DDX39A: variants seen among roughly 807,000 people sequenced by gnomAD.
The protein encoded by DDX39A is ATP-dependent RNA helicase DDX39A.
Under a neutral mutation model 46.3 loss-of-function variants are expected in DDX39A, and 13 were observed. The ratio of observed to expected loss-of-function variants is 0.28; its 90% confidence interval spans 0.18 to 0.45. DDX39A has a LOEUF of 0.45. DDX39A is among the 20% of genes least tolerant of loss of function. The pLI is 1.00. For missense variants in DDX39A, 352 were observed against 581.8 expected (o/e 0.61, Z 4.06); for synonymous variants, 234 against 224.6 (o/e 1.04, Z -0.38).
rs76598572 is a variant in DDX39A at position 14,412,684 on chromosome 19, G to A, written c.209-6C>T. 3.4e-5 allele frequency: 55 copies of A among 1,600,808 alleles called. No homozygotes were observed. The East Asian group carries it at 1.1e-3, about 32-fold the overall frequency. On this transcript the variant is annotated splice_region_variant and splice_polypyrimidine_tract_variant and intron_variant, in intron 2 of 10. Transcript: ENST00000242776. The surrounding 1 kb of genome is among the most constrained non-coding windows in gnomAD (Gnocchi z 4.4). ...GGGAATGCACTCATGCTGGACTGCA[G>A]GAGAAGCAGAGCGTGAGGGACGAGA...
chr19:14,417,086 G>A (rs1038441715), intron 1 of DDX39A, among the ~76,000 whole-genome samples: 5 of 152,122 alleles, frequency 3.3e-5, no homozygotes, highest in Non-Finnish European at 7.4e-5. Flanking sequence ...TTACTCCTCC[G>A]ATGAAGGGGT....
Position 14,410,295 on chromosome 19 carries a change from G to A in DDX39A, c.653C>T (p.Pro218Leu), listed in dbSNP as rs1348378351. 6.2e-7 allele frequency: 1 copy of A among 1,614,040 alleles called. No individual in the cohort carries two copies. Among genetic ancestry groups the A allele is most frequent in the African/African-American group, 1.3e-5 (1 of 74,924 alleles). The stretch of plus-strand genomic sequence containing the variant: ...GAACATCATGCACTGCTTCTCGTGT[G>A]GTGTCAGGCGGAAGATCTCCTGCAC... ...RDVQEIFRLT[P>L]HEKQCMMFSA... Residue 218 changes from proline (P) to leucine (L), a missense_variant, in exon 6 of 11, where the codon CCA (proline) becomes CTA (leucine). Physicochemically the swap from Pro to Leu is moderately conservative, Grantham distance 98. Coordinates refer to ENST00000242776, the MANE Select transcript of DDX39A (RefSeq NM_005804.4). The surrounding 1 kb of genome is among the most constrained non-coding windows in gnomAD (Gnocchi z 4.3).
rs1599643734 is a variant in DDX39A, at chr19:14,410,880, G to A, written c.613+109C>T. The A allele has an allele frequency of 2.9e-6, 3 of 1,025,082 alleles. No homozygotes were observed. Among genetic ancestry groups the A allele is most frequent in the Non-Finnish European group, 1.4e-6 (1 of 731,220 alleles). The allele number at this position is 1,025,082 out of a possible 1,614,324, so 63.5% of individuals were successfully genotyped here. ...AGAGCTTTCCCCAAGATCACCACAG[G>A]AGCCCCGCCTGCCGGCCGCCCATGT... On this transcript the variant is annotated intron_variant, in intron 5 of 10. Coordinates refer to ENST00000242776, the MANE Select transcript of DDX39A (RefSeq NM_005804.4). This position sits in a 1 kb window ranked among gnomAD's most constrained non-coding sequence, Gnocchi z 4.3.
intron 1 of DDX39A, among the ~76,000 whole-genome samples, chr19:14,414,541 G>C (rs1336271483): frequency 2.7e-5 from 4 of 149,776 alleles, no homozygotes; most frequent in African/African-American, 4.9e-5. Context: ...CGTAGAGACA[G>C]GGTTTCACCA....
Position 14,410,527 on chromosome 19 carries a change from G to T in DDX39A, c.614-193C>A. Reference sequence around the variant, plus strand: ...GGGTGGCCAGCGAGCGCAGGCGCGGGAGGAGCTGCAATCCACTTACACGCT... The same window carrying T: ...GGGTGGCCAGCGAGCGCAGGCGCGGTAGGAGCTGCAATCCACTTACACGCT... On this transcript the variant is annotated intron_variant, in intron 5 of 10. Transcript: ENST00000242776. The surrounding 1 kb of genome is among the most constrained non-coding windows in gnomAD (Gnocchi z 4.3). 1 of 604,814 alleles carries T rather than the reference G, an allele frequency of 1.7e-6. No individual in the cohort carries two copies. The highest frequency in any genetic ancestry group is 3.0e-6 in the Non-Finnish European group (1 of 336,448). The allele number at this position is 604,814 out of a possible 1,614,324, so 37.5% of individuals were successfully genotyped here.
intron 1 of DDX39A, among the ~76,000 whole-genome samples, chr19:14,415,679 T>C (rs1976783861): frequency 6.6e-6 from 1 of 151,998 alleles, no homozygotes; most frequent in Non-Finnish European, 1.5e-5. Context: ...GACATGTAGG[T>C]GCCATCATCT....
rs554918751 is a variant in DDX39A at position 14,412,124 on chromosome 19, G to C, written c.336+427C>G. 3.7e-4 allele frequency among the ~76,000 whole-genome samples: 56 copies of C among 152,338 alleles called. No homozygotes were observed. The highest frequency in any genetic ancestry group is 1.3e-3 in the African/African-American group (54 of 41,572). On this transcript the variant is annotated intron_variant, in intron 3 of 10. Coordinates refer to ENST00000242776, the MANE Select transcript of DDX39A (RefSeq NM_005804.4). This position sits in a 1 kb window ranked among gnomAD's most constrained non-coding sequence, Gnocchi z 4.4. ...TTCACTGAAGTGTCTCCCCAGGACA[G>C]TGGCACACAAGACAATGGGAGAAGA...
In DDX39A at chr19:14,411,487, T is replaced by C. The variant is rs1239257289; in HGVS notation, c.429+19A>G. On this transcript the variant is annotated intron_variant, in intron 4 of 10. Coordinates refer to ENST00000242776, the MANE Select transcript of DDX39A (RefSeq NM_005804.4). The surrounding 1 kb of genome is among the most constrained non-coding windows in gnomAD (Gnocchi z 4.1). ...AGAAACCAAGTGGCGCCTGGTCCAG[T>C]CTGGCCCGAGGGACTCACCTTGACG... The C allele has an allele frequency of 6.2e-7, 1 of 1,609,990 alleles. No homozygotes were observed. Among genetic ancestry groups the C allele is most frequent in the Admixed American group, 1.7e-5 (1 of 60,010 alleles).
rs1599644429 is a variant in DDX39A at position 14,411,351 on chromosome 19, A to G, written c.429+155T>C. 2.0e-6 allele frequency: 2 copies of G among 991,920 alleles called. No homozygotes were observed. Among genetic ancestry groups the G allele is most frequent in the East Asian group, 5.0e-5 (2 of 39,830 alleles). The allele number at this position is 991,920 out of a possible 1,614,324, so 61.4% of individuals were successfully genotyped here. ...CTGCGCAGGCCCCTGGGAGCCATGC[A>G]TAATTCATCAGGCTTTTAAGGAGCA... is the stretch of plus-strand genomic sequence containing the variant. On this transcript the variant is annotated intron_variant, in intron 4 of 10. Coordinates refer to ENST00000242776, the MANE Select transcript of DDX39A (RefSeq NM_005804.4). This position sits in a 1 kb window ranked among gnomAD's most constrained non-coding sequence, Gnocchi z 4.1.
intron 1 of DDX39A, among the ~76,000 whole-genome samples, chr19:14,418,127 A>AG: frequency 6.7e-6 from 1 of 149,472 alleles, no homozygotes; most frequent in East Asian, 2.0e-4. Context: ...TCTCAAAAAA[A>AG]AAAAAAAAAA....
chr19:14,409,455 G>A lies in DDX39A; in HGVS notation c.975-8C>T. ...TGCTGATAGCGTGACAGGCTGGGGT[G>A]CAGGAGAAACAAGTGGAGGCCGTCA... On this transcript the variant is annotated splice_region_variant and splice_polypyrimidine_tract_variant and intron_variant, in intron 8 of 10. Coordinates refer to ENST00000242776, the MANE Select transcript of DDX39A (RefSeq NM_005804.4). This position sits in a 1 kb window ranked among gnomAD's most constrained non-coding sequence, Gnocchi z 8.3. 1.2e-6 allele frequency: 2 copies of A among 1,613,800 alleles called. No individual in the cohort carries two copies. The highest frequency in any genetic ancestry group is 1.7e-6 in the Non-Finnish European group (2 of 1,180,000).
At chr19:14,414,138 C>G (rs1280336641) in intron 1 of DDX39A, 1 of 152,042 alleles carries the variant, frequency 6.6e-6, no homozygotes, top group East Asian at 1.9e-4. Flanking sequence ...AGGCTGGATG[C>G]TGAGGATCCT....
At chr19:14,415,300 T>C (rs368109169) in intron 1 of DDX39A, among the ~76,000 whole-genome samples, 2 of 152,098 alleles carry the variant, frequency 1.3e-5, no homozygotes, top group African/African-American at 4.8e-5. Flanking sequence ...CTCCCTTCCT[T>C]TTTTTTCCCC....
At position 14,408,914 on chromosome 19, in the gene DDX39A, G is replaced by A. The variant is rs760503836; in HGVS notation, c.*22C>T. On this transcript the variant is annotated 3_prime_UTR_variant, in exon 11 of 11. Coordinates refer to ENST00000242776, the MANE Select transcript of DDX39A (RefSeq NM_005804.4). ...AAGCTGCATGCGGGCGGCTCCGGGT[G>A]GGCGGCTCTGGCACGTGGTGGTTAC... The A allele has an allele frequency of 9.5e-6, 15 of 1,573,020 alleles. No homozygotes were observed. In the East Asian group the frequency reaches 3.2e-4, roughly 33 times the overall value.
In DDX39A at chr19:14,411,081, C is replaced by T. The variant is rs1274503347; in HGVS notation, c.521G>A (p.Arg174His). 3 of 1,612,596 alleles carry T rather than the reference C, an allele frequency of 1.9e-6. No individual in the cohort carries two copies. The highest frequency in any genetic ancestry group is 1.1e-5 in the South Asian group (1 of 90,924). The change falls in exon 5 of 11, where the codon CGC (arginine) becomes CAC (histidine). Residue 174 changes from arginine to histidine, a missense_variant. Transcript: ENST00000242776. The surrounding 1 kb of genome is among the most constrained non-coding windows in gnomAD (Gnocchi z 4.1). ...CPHVVVGTPG[R>H]ILALVRNRSF... The stretch of plus-strand genomic sequence containing the variant: ...CCTATTCCGCACGAGCGCCAGGATG[C>T]GGCCCGGGGTCCCCACCACGACATG...
Position 14,412,497 on chromosome 19 carries a change from T to C in DDX39A, c.336+54A>G, listed in dbSNP as rs764295613. ...GTGTGAGCCACCCCATCCAGCCTAC[T>C]CTACTTCCGCCGCCACAGGCAGGGT... On this transcript the variant is annotated intron_variant, in intron 3 of 10. Transcript: ENST00000242776. This position sits in a 1 kb window ranked among gnomAD's most constrained non-coding sequence, Gnocchi z 4.4. 16 of 1,577,774 alleles carry C rather than the reference T, an allele frequency of 1.0e-5. No homozygotes were observed. In the South Asian group the frequency reaches 1.8e-4, roughly 18 times the overall value.
At chr19:14,416,568 G>A (rs186227500) in intron 1 of DDX39A, among the ~76,000 whole-genome samples, 21 of 152,326 alleles carry the variant, frequency 1.4e-4, no homozygotes, top group Non-Finnish European at 2.1e-4. Context: ...GCCAAGAAAG[G>A]TCAGTCCGAA....
chr19:14,408,954 TG>T lies in DDX39A; in HGVS notation c.1268-3del, dbSNP rs1475234679. 2 of 1,603,970 alleles carry T rather than the reference TG, an allele frequency of 1.2e-6. No homozygotes were observed. The highest frequency in any genetic ancestry group is 1.7e-6 in the Non-Finnish European group (2 of 1,172,844). On this transcript the variant is annotated splice_region_variant and splice_polypyrimidine_tract_variant and intron_variant, in intron 10 of 10. Coordinates refer to ENST00000242776, the MANE Select transcript of DDX39A (RefSeq NM_005804.4). ...GTGGTGGTTACCGGCTCTGCTCGAC[TG>T]TAAGACATGAGATGCAGTGAACTGA...
At position 14,410,292 on chromosome 19, in the gene DDX39A, T is replaced by G. The variant is rs918039652; in HGVS notation, c.656A>C (p.His219Pro). The stretch of plus-strand genomic sequence containing the variant: ...GCTGAACATCATGCACTGCTTCTCG[T>G]GTGGTGTCAGGCGGAAGATCTCCTG... ...DVQEIFRLTP[H>P]EKQCMMFSAT... is the part of the protein sequence containing the mutation. The change falls in exon 6 of 11, where the codon CAC (histidine) becomes CCC (proline). Residue 219 changes from histidine to proline, a missense_variant. By Grantham distance (77) the His-to-Pro change is moderately conservative. This residue lies in a region of DDX39A where 301 missense variants were observed against 469.9 expected (regional missense o/e 0.64). Coordinates refer to ENST00000242776, the MANE Select transcript of DDX39A (RefSeq NM_005804.4). The surrounding 1 kb of genome is among the most constrained non-coding windows in gnomAD (Gnocchi z 4.3). 3.7e-6 allele frequency: 6 copies of G among 1,614,074 alleles called. No individual in the cohort carries two copies.
Sources: allele counts gnomAD v4.1 joint callset (sites outside exome capture counted in the v4.1 genomes callset), GRCh38; gene constraint gnomAD v4.1.1; regional missense constraint gnomAD v4.1.1; non-coding constraint Gnocchi (gnomAD v3.1); transcripts MANE v1.5; gene names NCBI Gene and HGNC (gene_info 2026-07-23, HGNC 2026-07-21).